Variants in LRP1B observed in about 807,000 individuals in gnomAD.
LRP1B encodes the protein low-density lipoprotein receptor-related protein 1B.
A neutral mutation model predicts 556.6 loss-of-function variants in LRP1B; 217 were observed. The ratio of observed to expected loss-of-function variants is 0.39; its 90% confidence interval spans 0.35 to 0.44. The LOEUF is 0.44. Ranked by LOEUF, LRP1B falls within the 20% of genes least tolerant of loss-of-function variation. LRP1B has a pLI of 1.00. For missense variants in LRP1B, 5,053 were observed against 5,620.8 expected, an observed-to-expected ratio of 0.90 and a Z score of 3.23; for synonymous variants, 2,047 against 1,865.8, an observed-to-expected ratio of 1.10 and a Z score of -2.50.
At chr2:140,396,786 A>G (rs185752030) in intron 66 of LRP1B, among the ~76,000 whole-genome samples, 1 of 152,104 alleles carries the variant, frequency 6.6e-6, no homozygotes, top group Non-Finnish European at 1.5e-5. Context: ...ATTTCATTTT[A>G]TTATTTTGTA....
At chr2:140,669,177 A>C (rs1260171084) in intron 41 of LRP1B, among the ~76,000 whole-genome samples, 1 of 152,192 alleles carries the variant, frequency 6.6e-6, no homozygotes, top group African/African-American at 2.4e-5. Flanking sequence ...TAATTTCCCA[A>C]AATGTGTTTC....
chr2:141,948,951 A>G (rs7580122), intron 1 of LRP1B, among the ~76,000 whole-genome samples: 68,550 of 151,898 alleles, frequency 0.45, 15,585 homozygotes, highest in Admixed American at 0.53. Context: ...AAAAGTATAA[A>G]TCACACACGC....
intron 18 of LRP1B, among the ~76,000 whole-genome samples, chr2:140,966,441 G>T (rs373786870): frequency 1.3e-5 from 2 of 152,156 alleles, no homozygotes; most frequent in Non-Finnish European, 2.9e-5. Flanking sequence ...GTAGATTCTG[G>T]ATATTAGCCC....
intron 3 of LRP1B, among the ~76,000 whole-genome samples, chr2:141,265,946 T>G (rs1684870404): frequency 6.6e-6 from 1 of 152,200 alleles, no homozygotes; most frequent in Admixed American, 6.5e-5. Context: ...TCTCCTTTAG[T>G]CGGGTTAGAG....
intron 16 of LRP1B, among the ~76,000 whole-genome samples, chr2:140,990,183 C>T (rs955949125): frequency 1.1e-4 from 16 of 145,176 alleles, no homozygotes; most frequent in African/African-American, 3.4e-4. Flanking sequence ...ACAACAAAAG[C>T]GAAACTCCAT....
At chr2:140,907,802 T>C in intron 22 of LRP1B, 75 bp downstream of exon 22, 2 of 1,248,810 alleles carry the variant, frequency 1.6e-6, no homozygotes, top group Non-Finnish European at 2.3e-6. Context: ...TGAATGCTAC[T>C]ATATTAAGTA....
intron 41 of LRP1B, among the ~76,000 whole-genome samples, chr2:140,630,044 G>T (rs991556938): frequency 6.6e-6 from 1 of 152,170 alleles, no homozygotes; most frequent in African/African-American, 2.4e-5. Flanking sequence ...CTCATGAAAA[G>T]AACTCAAATT....
At chr2:141,955,599 T>G (rs982371657) in intron 1 of LRP1B, among the ~76,000 whole-genome samples, 1 of 152,082 alleles carries the variant, frequency 6.6e-6, no homozygotes, top group East Asian at 1.9e-4. Flanking sequence ...TTGTCCTGGC[T>G]GCTCACTGGC....
intron 41 of LRP1B, among the ~76,000 whole-genome samples, chr2:140,618,083 A>C (rs951824507): frequency 6.6e-6 from 1 of 151,940 alleles, no homozygotes; most frequent in Non-Finnish European, 1.5e-5. Context: ...GTTAAAATTT[A>C]CTATTCGGTT....
chr2:140,501,450 T>C (rs1574010261), intron 55 of LRP1B, among the ~76,000 whole-genome samples: 1 of 151,796 alleles, frequency 6.6e-6, no homozygotes, highest in South Asian at 2.1e-4. Context: ...TTTATTTATT[T>C]CCTTTATGCT....
intron 1 of LRP1B, among the ~76,000 whole-genome samples, chr2:141,992,244 G>A (rs1338364804): frequency 2.6e-5 from 4 of 152,064 alleles, no homozygotes; most frequent in Non-Finnish European, 5.9e-5. Flanking sequence ...GCATATCTAC[G>A]CATTTCTTTT....
chr2:141,250,039 T>C (rs553787746), intron 4 of LRP1B, among the ~76,000 whole-genome samples: 7 of 151,948 alleles, frequency 4.6e-5, no homozygotes, highest in Admixed American at 1.3e-4. Flanking sequence ...AACAGAAAAA[T>C]GAAGAGGGGA....
chr2:140,702,019 A>G (rs1686662326), intron 39 of LRP1B, 122 bp downstream of exon 39: 1 of 1,339,350 alleles, frequency 7.5e-7, no homozygotes, highest in Admixed American at 2.1e-5. Context: ...TTCTGTGGAA[A>G]TTACTGGCTT....
chr2:141,797,870 T>G (rs552014568), intron 2 of LRP1B, among the ~76,000 whole-genome samples: 2 of 152,292 alleles, frequency 1.3e-5, no homozygotes, highest in South Asian at 4.1e-4. Context: ...TTGTGTGATA[T>G]TCTATAGGTA....
intron 20 of LRP1B, among the ~76,000 whole-genome samples, chr2:140,939,740 G>A (rs1333142358): frequency 6.6e-6 from 1 of 151,406 alleles, no homozygotes; most frequent in African/African-American, 2.4e-5. Flanking sequence ...ATAAACCAGG[G>A]TCAGATGTCC....
At chr2:140,535,587 A>T (rs984344946) in intron 46 of LRP1B, among the ~76,000 whole-genome samples, 1 of 152,270 alleles carries the variant, frequency 6.6e-6, no homozygotes, top group Non-Finnish European at 1.5e-5. Context: ...AAGCAGATAT[A>T]AAATGAGGCA....
At chr2:141,426,901 GT>G (rs1680385385) in intron 3 of LRP1B, among the ~76,000 whole-genome samples, 1 of 152,066 alleles carries the variant, frequency 6.6e-6, no homozygotes, top group East Asian at 1.9e-4. Flanking sequence ...TATACTTTAA[GT>G]TCTGGGATAC....
At position 141,062,161 on chromosome 2, in the gene LRP1B, C is replaced by T; in HGVS notation, c.1126G>A (p.Ala376Thr). The T allele has an allele frequency of 2.5e-6, 4 of 1,611,916 alleles. No homozygotes were observed. The highest frequency in any genetic ancestry group is 3.4e-6 in the Non-Finnish European group (4 of 1,178,576). Residue 376 changes from alanine (A) to threonine (T), a missense_variant, in exon 8 of 91, where the codon GCA becomes ACA. By Grantham distance (58) the Ala-to-Thr change is moderately conservative (BLOSUM62 0). Transcript: ENST00000389484. ...DSKTEQPAAL[A>T]LDLVNKLVYW... The stretch of plus-strand genomic sequence containing the variant: ...ACCAATTTGTTGACTAGGTCTAGTG[C>T]CAGTGCAGCTGGCTGCTCTGTCTTT...
intron 32 of LRP1B, among the ~76,000 whole-genome samples, chr2:140,809,428 C>G (rs1433171475): frequency 6.6e-6 from 1 of 151,930 alleles, no homozygotes; most frequent in Non-Finnish European, 1.5e-5. Flanking sequence ...TTCATTTTTC[C>G]CACTCCATCA....
Sources: gnomAD v4.1 joint callset for allele counts (sites outside exome capture counted in the v4.1 genomes callset) on GRCh38, gnomAD v4.1.1 for gene constraint, MANE v1.5 for transcripts, NCBI Gene and HGNC (gene_info 2026-07-23, HGNC 2026-07-21) for gene names.